Variants in GRIA4 observed in about 807,000 individuals in gnomAD.
GRIA4 encodes glutamate ionotropic receptor AMPA type subunit 4.
Under a neutral mutation model 104.0 loss-of-function variants are expected in GRIA4, and 34 were observed. That is an observed-to-expected ratio of 0.33 (90% CI 0.25 to 0.44). GRIA4 has a LOEUF of 0.44. Ranked by LOEUF, GRIA4 falls within the 20% of genes least tolerant of loss-of-function variation. The pLI is 1.00. For missense variants in GRIA4, 750 were observed against 1,096.5 expected (o/e 0.68, Z 4.46); for synonymous variants, 386 against 381.9 (o/e 1.01, Z -0.13).
chr11:105,836,582 G>A (rs1007719935), intron 4 of GRIA4, among the ~76,000 whole-genome samples: 4 of 152,034 alleles, frequency 2.6e-5, no homozygotes, highest in African/African-American at 9.7e-5. Flanking sequence ...CAGCACACTT[G>A]TAGATAATAC....
chr11:105,948,276 G>C (rs1268697023), intron 14 of GRIA4, among the ~76,000 whole-genome samples: 1 of 152,126 alleles, frequency 6.6e-6, no homozygotes, highest in Non-Finnish European at 1.5e-5. Flanking sequence ...TCCAAATACT[G>C]ACCTCCTGCT....
chr11:105,778,183 C>A (rs528196818), intron 4 of GRIA4, among the ~76,000 whole-genome samples: 3 of 152,098 alleles, frequency 2.0e-5, no homozygotes, highest in Non-Finnish European at 4.4e-5. Flanking sequence ...TCTCCCTGTC[C>A]AAACAACTGA....
chr11:105,884,776 T>C lies in GRIA4; in HGVS notation c.673-2743T>C, dbSNP rs189620312. Among the ~76,000 whole-genome samples the C allele has an allele frequency of 4.7e-4, 72 of 152,374 alleles. 3 individuals are homozygous for C. In the East Asian group the frequency reaches 0.012, roughly 26 times the overall value. Reference sequence around the variant, plus strand: ...GCGTTGTATAAGCTTTAATTTATTATAGTTTTTTGCTAAACAATCTTGAAT... The same window carrying C: ...GCGTTGTATAAGCTTTAATTTATTACAGTTTTTTGCTAAACAATCTTGAAT... On this transcript the variant is annotated intron_variant, in intron 5 of 16. Transcript: ENST00000282499.
At chr11:105,938,180 C>A (rs1420849969) in intron 14 of GRIA4, among the ~76,000 whole-genome samples, 3 of 152,104 alleles carry the variant, frequency 2.0e-5, no homozygotes, top group East Asian at 1.9e-4. Flanking sequence ...ACTTAGTATG[C>A]AAATTCATGT....
intron 3 of GRIA4, 33 bp downstream of exon 3, chr11:105,612,467 G>A (rs775943675): frequency 6.3e-7 from 1 of 1,593,022 alleles, no homozygotes; most frequent in Non-Finnish European, 8.6e-7. Flanking sequence ...AAAATTAGAA[G>A]AGAACTGAAA....
chr11:105,840,596 C>T (rs537607639), intron 4 of GRIA4, among the ~76,000 whole-genome samples: 78 of 152,180 alleles, frequency 5.1e-4, no homozygotes, highest in Non-Finnish European at 8.5e-4. Context: ...CAGTGCCATG[C>T]TGTCATAGAC....
rs182241765 is a variant in GRIA4 at position 105,816,400 on chromosome 11, T to A, written c.488-45624T>A. Among the ~76,000 whole-genome samples, 7 of 152,182 alleles carry A rather than the reference T, an allele frequency of 4.6e-5. No individual in the cohort carries two copies. The East Asian group carries it at 1.4e-3, about 30-fold the overall frequency. ...TTGATCCTGTTCTCATGATAGTGAG[T>A]GAGTTCTCATGAGATCTGTTTGTTT... On this transcript the variant is annotated intron_variant, in intron 4 of 16. Transcript: ENST00000282499.
chr11:105,899,439 A>G (rs2136131700), intron 7 of GRIA4, among the ~76,000 whole-genome samples: 1 of 152,360 alleles, frequency 6.6e-6, no homozygotes, highest in East Asian at 1.9e-4. Context: ...TGGAATACAC[A>G]GGATATAATT....
intron 3 of GRIA4, among the ~76,000 whole-genome samples, chr11:105,744,202 T>A (rs1939505807): frequency 6.6e-6 from 1 of 152,174 alleles, no homozygotes; most frequent in African/African-American, 2.4e-5. Context: ...ACTGTGAAAC[T>A]CATCTTAGTG....
chr11:105,742,070 T>C (rs999191165), intron 3 of GRIA4, among the ~76,000 whole-genome samples: 1 of 152,198 alleles, frequency 6.6e-6, no homozygotes, highest in Admixed American at 6.5e-5. Flanking sequence ...GGGGCGTTTA[T>C]CATGTGGCAG....
intron 4 of GRIA4, among the ~76,000 whole-genome samples, chr11:105,814,784 C>A (rs72985202): frequency 0.044 from 6,645 of 152,158 alleles, 202 homozygotes; most frequent in Non-Finnish European, 0.071. Flanking sequence ...TCTTACAATC[C>A]TGTATAGCCC....
intron 6 of GRIA4, among the ~76,000 whole-genome samples, chr11:105,895,091 G>A (rs527811337): frequency 9.7e-6 from 1 of 102,860 alleles, no homozygotes; most frequent in African/African-American, 3.5e-5. Context: ...GAGCCACCGC[G>A]CCCGGCCTAT....
At chr11:105,798,945 T>C (rs1591275610) in intron 4 of GRIA4, among the ~76,000 whole-genome samples, 1 of 152,212 alleles carries the variant, frequency 6.6e-6, no homozygotes, top group East Asian at 1.9e-4. Context: ...GGTATGGAAT[T>C]CAGAGGAAAG....
intron 4 of GRIA4, chr11:105,842,799 G>C (rs1442383648): frequency 6.6e-6 from 1 of 152,170 alleles, no homozygotes; most frequent in Admixed American, 6.5e-5. Context: ...GAAGTTTCAG[G>C]TCTGCTGAGG....
At chr11:105,912,703 T>A in intron 10 of GRIA4, 1 of 945,360 alleles carries the variant, frequency 1.1e-6, no homozygotes, top group Non-Finnish European at 1.3e-6. Flanking sequence ...AACTGCATAA[T>A]CGTTCAGTAA....
At chr11:105,848,166 T>G (rs1331139011) in intron 4 of GRIA4, among the ~76,000 whole-genome samples, 2 of 152,108 alleles carry the variant, frequency 1.3e-5, no homozygotes, top group Admixed American at 1.3e-4. Flanking sequence ...TATTATTTGT[T>G]AAAAAAATAG....
chr11:105,756,837 A>T (rs1372644743), intron 4 of GRIA4, among the ~76,000 whole-genome samples: 1 of 152,074 alleles, frequency 6.6e-6, no homozygotes, highest in Non-Finnish European at 1.5e-5. Flanking sequence ...CTCTTGTTAC[A>T]TTTATAGCCA....
rs1435752299 is a variant in GRIA4 at position 105,737,660 on chromosome 11, A to G, written c.248-15321A>G. On this transcript the variant is annotated intron_variant, in intron 3 of 16. Transcript: ENST00000282499. ...AGACCTACTCCTGTTTCCATGAAGT[A>G]TAAGTATTCTTAGAGTGCCTCTTCC... Among the ~76,000 whole-genome samples the G allele has an allele frequency of 2.0e-5, 3 of 152,136 alleles. No individual in the cohort carries two copies. In the East Asian group the frequency reaches 5.8e-4, roughly 29 times the overall value.
intron 3 of GRIA4, among the ~76,000 whole-genome samples, chr11:105,668,010 C>T (rs1952221763): frequency 6.6e-6 from 1 of 151,494 alleles, no homozygotes; most frequent in African/African-American, 2.4e-5. Context: ...TTTTCCCCTC[C>T]CCTAGCCCAT....
Sources: gnomAD v4.1 joint callset for allele counts (sites outside exome capture counted in the v4.1 genomes callset) on GRCh38, gnomAD v4.1.1 for gene constraint, MANE v1.5 for transcripts, NCBI Gene and HGNC (gene_info 2026-07-23, HGNC 2026-07-21) for gene names.